PIGL: variants seen among roughly 807,000 people sequenced by gnomAD.
The protein encoded by PIGL is phosphatidylinositol glycan anchor biosynthesis class L.
Under a neutral mutation model 31.1 loss-of-function variants are expected in PIGL, and 22 were observed. The ratio of observed to expected loss-of-function variants is 0.71; its 90% CI spans 0.51 to 1.01. PIGL has a LOEUF of 1.01. PIGL is among the 50% of genes least tolerant of loss of function. The pLI is 0.00. For synonymous variants in PIGL, 131 were observed against 117.4 expected (o/e 1.12, Z -0.75); for missense variants, 302 against 315.9 (o/e 0.96, Z 0.33).
In PIGL at chr17:16,217,295, C is replaced by G; in HGVS notation, c.69C>G (p.Asp23Glu). 1.9e-6 allele frequency: 3 copies of G among 1,614,188 alleles called. No individual in the cohort carries two copies. Among genetic ancestry groups the G allele is most frequent in the Non-Finnish European group, 2.5e-6 (3 of 1,180,028 alleles). Residue 23 changes from aspartate to glutamate, a missense_variant, in exon 1 of 7, where the codon GAC becomes GAG. By Grantham distance (45) the Asp-to-Glu change is conservative. Coordinates refer to ENST00000225609, the MANE Select transcript of PIGL (RefSeq NM_004278.4). ...CATGGGGCTTCCTCTGGGTTTGGGA[C>G]TCCTCAGAACGAATGAAGAGTCGGG... ...VLAWGFLWVW[D>E]SSERMKSREQ...
intron 3 of PIGL, among the ~76,000 whole-genome samples, chr17:16,307,091 TC>T (rs1437627280): frequency 6.6e-6 from 1 of 152,180 alleles, no homozygotes; most frequent in African/African-American, 2.4e-5. Context: ...AGGAGGCCAT[TC>T]CCATGGCACA....
chr17:16,240,739 A>C (rs1222366594), intron 2 of PIGL, among the ~76,000 whole-genome samples: 3 of 151,692 alleles, frequency 2.0e-5, no homozygotes, highest in Non-Finnish European at 4.4e-5. Context: ...GGACTCAAGC[A>C]GTCTCCCACT....
chr17:16,309,285 G>A (rs1167886721), intron 3 of PIGL, among the ~76,000 whole-genome samples: 3 of 152,124 alleles, frequency 2.0e-5, no homozygotes, highest in East Asian at 3.9e-4. Flanking sequence ...GAGCAGGAAC[G>A]CTTAACCATC....
At chr17:16,309,653 C>T (rs986387745) in intron 3 of PIGL, among the ~76,000 whole-genome samples, 1 of 151,964 alleles carries the variant, frequency 6.6e-6, no homozygotes, top group African/African-American at 2.4e-5. Context: ...CCCAGCTACT[C>T]GGAAGGCGGA....
At chr17:16,272,859 C>T (rs1481203574) in intron 2 of PIGL, among the ~76,000 whole-genome samples, 1 of 152,092 alleles carries the variant, frequency 6.6e-6, no homozygotes, top group East Asian at 1.9e-4. Context: ...TGTCATCTGC[C>T]TGGTCCTCTA....
At chr17:16,285,765 G>T (rs1489327772) in intron 2 of PIGL, among the ~76,000 whole-genome samples, 1 of 150,362 alleles carries the variant, frequency 6.7e-6, no homozygotes, top group East Asian at 1.9e-4. Flanking sequence ...TTCTCAGATC[G>T]CCTTTTCCTT....
rs60708474 is a variant in PIGL, at chr17:16,266,388, C to CAA, written c.335+32337_335+32338dup. On this transcript the variant is annotated intron_variant, in intron 2 of 6. Coordinates refer to ENST00000225609, the MANE Select transcript of PIGL (RefSeq NM_004278.4). ...TGGGCAACAGAGCGAGACTCCATCT[C>CAA]AAAAAAAAAAAAAAAAAAAAGAATG... 8.6e-3 allele frequency among the ~76,000 whole-genome samples: 619 copies of CAA among 71,824 alleles called. 9 individuals carry two copies. Among genetic ancestry groups the CAA allele is most frequent in the Non-Finnish European group, 0.012 (471 of 37,706 alleles). The allele number at this position is 71,824 out of a possible 152,430, so 47.1% of individuals were successfully genotyped here. A position where few individuals can be genotyped will look rare whatever the true frequency, so the allele number is the denominator to read the frequency against.
At chr17:16,266,177 G>A (rs902174452) in intron 2 of PIGL, among the ~76,000 whole-genome samples, 1 of 151,958 alleles carries the variant, frequency 6.6e-6, no homozygotes, top group Middle Eastern at 3.2e-3. Flanking sequence ...CACTTTGGGA[G>A]GCTGAGGCAG....
chr17:16,319,223 C>CAAAAAAAAAA (rs11379081), intron 6 of PIGL, among the ~76,000 whole-genome samples: 2 of 82,970 alleles, frequency 2.4e-5, no homozygotes, highest in Non-Finnish European at 2.2e-5. Context: ...AGACCCTAGC[C>CAAAAAAAAAA]AAAAAAAAAA....
intron 1 of PIGL, among the ~76,000 whole-genome samples, chr17:16,224,596 C>T (rs921287926): frequency 2.0e-5 from 3 of 151,972 alleles, no homozygotes; most frequent in Admixed American, 6.6e-5. Context: ...GATGAGCCAC[C>T]ATGCCCAGCC....
intron 2 of PIGL, among the ~76,000 whole-genome samples, chr17:16,249,436 T>G (rs1244100159): frequency 1.3e-5 from 2 of 152,122 alleles, no homozygotes; most frequent in Non-Finnish European, 2.9e-5. Context: ...GCCAAGATCA[T>G]GCCGTCACAC....
chr17:16,291,228 C>T (rs2092958732), intron 2 of PIGL, among the ~76,000 whole-genome samples: 1 of 152,148 alleles, frequency 6.6e-6, no homozygotes, highest in Non-Finnish European at 1.5e-5. Context: ...TTATATGGGG[C>T]TGGGCGTGGT....
At chr17:16,252,802 A>G (rs1457417879) in intron 2 of PIGL, among the ~76,000 whole-genome samples, 1 of 152,160 alleles carries the variant, frequency 6.6e-6, no homozygotes, top group African/African-American at 2.4e-5. Context: ...CTTTTTATAA[A>G]CACTGTAGTC....
At chr17:16,296,872 A>C (rs2092984480) in intron 2 of PIGL, among the ~76,000 whole-genome samples, 2 of 150,210 alleles carry the variant, frequency 1.3e-5, no homozygotes, top group Admixed American at 6.6e-5. Context: ...GCCCGCCACC[A>C]CGCCCGGCTA....
chr17:16,316,874 G>T (rs2093079965), intron 5 of PIGL, 162 bp downstream of exon 5: 1 of 1,407,974 alleles, frequency 7.1e-7, no homozygotes, highest in Admixed American at 2.2e-5. Flanking sequence ...GTACCTGGCA[G>T]GTTGTATCTA....
At chr17:16,266,906 T>TGGG (rs5819561) in intron 2 of PIGL, among the ~76,000 whole-genome samples, 1 of 123,054 alleles carries the variant, frequency 8.1e-6, no homozygotes, top group Admixed American at 8.4e-5. Context: ...TCTTTTTTTT[T>TGGG]GGGGGGGGGG....
intron 2 of PIGL, among the ~76,000 whole-genome samples, chr17:16,296,414 A>C (rs1184205638): frequency 6.6e-6 from 1 of 152,094 alleles, no homozygotes; most frequent in Non-Finnish European, 1.5e-5. Context: ...GTTTGAGACC[A>C]GCCTGGCCAA....
At chr17:16,320,271 G>A (rs1229846218) in intron 6 of PIGL, among the ~76,000 whole-genome samples, 1 of 102,800 alleles carries the variant, frequency 9.7e-6, no homozygotes, top group Non-Finnish European at 1.9e-5. Flanking sequence ...GGAAGGGGAG[G>A]AGAGGGGAGG....
intron 1 of PIGL, among the ~76,000 whole-genome samples, chr17:16,225,331 G>A (rs2092647075): frequency 6.6e-6 from 1 of 151,180 alleles, no homozygotes; most frequent in Admixed American, 6.6e-5. Context: ...ATTCATTCGG[G>A]GTGACTCGGT....
Sources: gnomAD v4.1 joint callset for allele counts (sites outside exome capture counted in the v4.1 genomes callset) on GRCh38, gnomAD v4.1.1 for gene constraint, MANE v1.5 for transcripts, NCBI Gene and HGNC (gene_info 2026-07-23, HGNC 2026-07-21) for gene names.